Variants in ADAM29 observed in about 807,000 individuals in gnomAD.
The protein encoded by ADAM29 is disintegrin and metalloproteinase domain-containing protein 29.
For missense variants in ADAM29, 969 were observed against 1,001.8 expected (o/e 0.97, Z 0.44); for synonymous variants, 367 against 342.3 (o/e 1.07, Z -0.80).
At chr4:174,932,246 C>T (rs562934043) in intron 3 of ADAM29, among the ~76,000 whole-genome samples, 2 of 152,028 alleles carry the variant, frequency 1.3e-5, no homozygotes, top group South Asian at 4.2e-4. Flanking sequence ...AAGATCATGC[C>T]ATTGCATTCC....
intron 2 of ADAM29, among the ~76,000 whole-genome samples, chr4:174,925,871 G>A (rs1197286235): frequency 6.6e-6 from 1 of 152,150 alleles, no homozygotes; most frequent in Non-Finnish European, 1.5e-5. Context: ...TGTTTTCCTT[G>A]CTTGCTGAAA....
chr4:174,947,491 T>A (rs2111001145), intron 4 of ADAM29, among the ~76,000 whole-genome samples: 1 of 152,372 alleles, frequency 6.6e-6, no homozygotes, highest in South Asian at 2.1e-4. Context: ...TGCCTTAATT[T>A]CATTGTTTAC....
intron 2 of ADAM29, among the ~76,000 whole-genome samples, chr4:174,925,594 C>A (rs1337070382): frequency 6.6e-6 from 1 of 152,096 alleles, no homozygotes; most frequent in Non-Finnish European, 1.5e-5. Context: ...CAGAACCGTC[C>A]AATTCAAATG....
chr4:174,939,311 A>G (rs560862408), intron 4 of ADAM29, among the ~76,000 whole-genome samples: 1 of 152,288 alleles, frequency 6.6e-6, no homozygotes, highest in South Asian at 2.1e-4. Flanking sequence ...TGTCTAATTC[A>G]TGAAGTACTG....
At chr4:174,940,785 C>T (rs1174678858) in intron 4 of ADAM29, among the ~76,000 whole-genome samples, 1 of 152,066 alleles carries the variant, frequency 6.6e-6, no homozygotes, top group Non-Finnish European at 1.5e-5. Context: ...CATGATTATA[C>T]ATTCCATTTA....
Position 174,963,856 on chromosome 4 carries a change from ATT to A in ADAM29, c.-180-11486_-180-11485del, listed in dbSNP as rs752530291. 3.9e-5 allele frequency among the ~76,000 whole-genome samples: 6 copies of A among 152,020 alleles called. No homozygotes were observed. The East Asian group carries it at 5.8e-4, about 15-fold the overall frequency. ...ACCACTGTGCCCAGCTAAGTTTTGC[ATT>A]TTTAGTAGAGACGGGGTTTCCAGGC... On this transcript the variant is annotated intron_variant, in intron 4 of 4. Coordinates refer to ENST00000359240, the MANE Select transcript of ADAM29 (RefSeq NM_014269.4).
intron 4 of ADAM29, among the ~76,000 whole-genome samples, chr4:174,974,969 C>A (rs1024334571): frequency 2.0e-5 from 3 of 152,124 alleles, no homozygotes; most frequent in Admixed American, 2.0e-4. Context: ...GACAATTTAA[C>A]ACGTGTAAAT....
chr4:174,958,039 T>C (rs1418092797), intron 4 of ADAM29, among the ~76,000 whole-genome samples: 1 of 151,854 alleles, frequency 6.6e-6, no homozygotes, highest in African/African-American at 2.4e-5. Flanking sequence ...ATATTTTGTA[T>C]GATTTAGATT....
At position 174,945,445 on chromosome 4, in the gene ADAM29, G is replaced by A. The variant is rs1181829705; in HGVS notation, c.-181+8432G>A. ...AATATTTTCTCCCCTTCTGTAGGTT[G>A]TCTTAAAAATTTACTTTGTTGATAG... On this transcript the variant is annotated intron_variant, in intron 4 of 4. Coordinates refer to ENST00000359240, the MANE Select transcript of ADAM29 (RefSeq NM_014269.4). Among the ~76,000 whole-genome samples, 3 of 152,180 alleles carry A rather than the reference G, an allele frequency of 2.0e-5. No individual in the cohort carries two copies. In the South Asian group the frequency reaches 6.2e-4, roughly 32 times the overall value.
chr4:174,971,738 T>G (rs56035789), intron 4 of ADAM29, among the ~76,000 whole-genome samples: 22,394 of 152,184 alleles, frequency 0.15, 1,960 homozygotes, highest in Non-Finnish European at 0.19. Context: ...GAATGTCTAT[T>G]GCCTTCCTCA....
At chr4:174,920,521 G>A (rs1031811610) in intron 1 of ADAM29, among the ~76,000 whole-genome samples, 166 bp from the exon 2 acceptor site, 2 of 151,978 alleles carry the variant, frequency 1.3e-5, no homozygotes, top group African/African-American at 2.4e-5. Flanking sequence ...ATTAAAGCAT[G>A]CCCAGAAATC....
rs1746825338 is a variant in ADAM29, at chr4:174,976,660, G to A, written c.1135G>A (p.Val379Ile). The change falls in exon 5 of 5, where the codon GTA (valine) becomes ATA (isoleucine). Residue 379 changes from valine to isoleucine, a missense_variant. Transcript: ENST00000359240. ...TTATGGTGATTTTTGGGAATATACT[G>A]TAGAGAGGACAAAGTGTTTGCTTGA... ...CSYGDFWEYT[V>I]ERTKCLLETV... 1 of 1,613,924 alleles carries A rather than the reference G, an allele frequency of 6.2e-7. No individual in the cohort carries two copies. The highest frequency in any genetic ancestry group is 1.3e-5 in the African/African-American group (1 of 75,050).
intron 4 of ADAM29, among the ~76,000 whole-genome samples, chr4:174,967,812 G>A (rs548843356): frequency 3.9e-5 from 6 of 152,236 alleles, no homozygotes; most frequent in African/African-American, 1.4e-4. Flanking sequence ...ATTGTTGGGT[G>A]GTTAAGACAA....
chr4:174,926,976 C>G (rs1743558675), intron 2 of ADAM29, among the ~76,000 whole-genome samples: 1 of 151,834 alleles, frequency 6.6e-6, no homozygotes, highest in South Asian at 2.1e-4. Context: ...AGACATTCCA[C>G]CGAAGAATAT....
At chr4:174,924,766 G>T (rs1285548288) in intron 2 of ADAM29, among the ~76,000 whole-genome samples, 1 of 152,136 alleles carries the variant, frequency 6.6e-6, no homozygotes. Flanking sequence ...GCAGTAAAAA[G>T]ACCATTAAAA....
chr4:174,956,888 T>C (rs930983765), intron 4 of ADAM29, among the ~76,000 whole-genome samples: 2 of 151,874 alleles, frequency 1.3e-5, no homozygotes, highest in African/African-American at 4.8e-5. Context: ...AAATAAACCA[T>C]ATGATTCCTA....
chr4:174,965,557 A>G (rs1375096586), intron 4 of ADAM29, among the ~76,000 whole-genome samples: 1 of 151,908 alleles, frequency 6.6e-6, no homozygotes, highest in African/African-American at 2.4e-5. Flanking sequence ...ATGTACTTAT[A>G]TATGATTATA....
chr4:174,919,634 T>C (rs1054359851), intron 1 of ADAM29, among the ~76,000 whole-genome samples: 2 of 152,174 alleles, frequency 1.3e-5, no homozygotes, highest in African/African-American at 2.4e-5. Context: ...AGGCTCCCCC[T>C]CTTTACTGGC....
chr4:174,941,315 A>G (rs1402179241), intron 4 of ADAM29, among the ~76,000 whole-genome samples: 1 of 152,170 alleles, frequency 6.6e-6, no homozygotes, highest in African/African-American at 2.4e-5. Flanking sequence ...TATTGTGGTG[A>G]TGTTGTCTAA....
Sources: allele counts gnomAD v4.1 joint callset (sites outside exome capture counted in the v4.1 genomes callset), GRCh38; gene constraint gnomAD v4.1.1; transcripts MANE v1.5; gene names NCBI Gene and HGNC (gene_info 2026-07-23, HGNC 2026-07-21).